Variants in SORCS3 observed in about 807,000 individuals in gnomAD.
The protein encoded by SORCS3 is sortilin related VPS10 domain containing receptor 3.
A neutral mutation model predicts 146.3 loss-of-function variants in SORCS3; 57 were observed. The ratio of observed to expected loss-of-function variants is 0.39; its 90% CI spans 0.31 to 0.49. The LOEUF is 0.49. Among genes scored for constraint, SORCS3 ranks in the 20% least tolerant of loss-of-function variants. SORCS3 has a pLI of 0.92. For synonymous variants in SORCS3, 653 were observed against 618.5 expected, an observed-to-expected ratio of 1.06 and a Z score of -0.83; for missense variants, 1,341 against 1,575.5, an observed-to-expected ratio of 0.85 and a Z score of 2.52.
intron 22 of SORCS3, among the ~76,000 whole-genome samples, chr10:105,251,385 T>G (rs973060807): frequency 6.6e-6 from 1 of 152,104 alleles, no homozygotes; most frequent in African/African-American, 2.4e-5. Context: ...TTCTGGGGAT[T>G]ACTATTCAAG....
intron 3 of SORCS3, among the ~76,000 whole-genome samples, chr10:104,921,517 G>A (rs1351361999): frequency 6.6e-6 from 1 of 151,818 alleles, no homozygotes; most frequent in Non-Finnish European, 1.5e-5. Flanking sequence ...GTGTGTGTGT[G>A]TGTGTGTGTG....
At chr10:104,957,041 A>C (rs1193461481) in intron 3 of SORCS3, among the ~76,000 whole-genome samples, 1 of 152,194 alleles carries the variant, frequency 6.6e-6, no homozygotes, top group Non-Finnish European at 1.5e-5. Flanking sequence ...TTCTCTGGAC[A>C]GAATGCTGGG....
intron 8 of SORCS3, among the ~76,000 whole-genome samples, chr10:105,145,460 G>C (rs2056124305): frequency 6.6e-6 from 1 of 151,910 alleles, no homozygotes; most frequent in South Asian, 2.1e-4. Flanking sequence ...ACCATGCCCT[G>C]GTGTTTTAAG....
At chr10:105,107,178 G>A (rs2055828153) in intron 7 of SORCS3, among the ~76,000 whole-genome samples, 1 of 152,178 alleles carries the variant, frequency 6.6e-6, no homozygotes, top group African/African-American at 2.4e-5. Flanking sequence ...GTCAGTCAAA[G>A]TCAGTCTGTG....
At chr10:105,097,090 T>C (rs1463270591) in intron 6 of SORCS3, among the ~76,000 whole-genome samples, 1 of 152,152 alleles carries the variant, frequency 6.6e-6, no homozygotes, top group Non-Finnish European at 1.5e-5. Context: ...GCTTTTTCAG[T>C]TGTGTGGTGT....
intron 1 of SORCS3, among the ~76,000 whole-genome samples, chr10:104,819,784 A>T (rs1257849197): frequency 6.6e-6 from 1 of 152,212 alleles, no homozygotes; most frequent in Non-Finnish European, 1.5e-5. Flanking sequence ...GAGGAAGAGA[A>T]GTTGAGGGCT....
chr10:105,000,666 A>G (rs886393255), intron 4 of SORCS3, among the ~76,000 whole-genome samples: 2 of 152,108 alleles, frequency 1.3e-5, no homozygotes, highest in African/African-American at 4.8e-5. Context: ...GTCAATTCCT[A>G]TGCTACCACC....
chr10:105,154,746 TATGTGTACATAC>T (rs1024604506), intron 9 of SORCS3, among the ~76,000 whole-genome samples: 2 of 152,250 alleles, frequency 1.3e-5, no homozygotes, highest in African/African-American at 4.8e-5. Flanking sequence ...CTTAGAAATA[TATGTGTACATAC>T]ATGTGTACAC....
chr10:105,193,161 G>A (rs1046480764), intron 14 of SORCS3, among the ~76,000 whole-genome samples: 3 of 152,102 alleles, frequency 2.0e-5, no homozygotes, highest in African/African-American at 7.2e-5. Flanking sequence ...ATTAAAGGAG[G>A]TGGGTTATTT....
intron 5 of SORCS3, among the ~76,000 whole-genome samples, chr10:105,067,968 TC>T (rs1267578122): frequency 6.6e-6 from 1 of 151,968 alleles, no homozygotes; most frequent in Non-Finnish European, 1.5e-5. Flanking sequence ...GAGACACATT[TC>T]CCCACTCTCA....
chr10:104,760,746 G>A (rs376993114), intron 1 of SORCS3, among the ~76,000 whole-genome samples: 49 of 152,254 alleles, frequency 3.2e-4, no homozygotes, highest in African/African-American at 9.9e-4. Flanking sequence ...TAGATAGGAA[G>A]GAAACAGCTA....
chr10:105,068,431 ACTTC>A (rs1470678734), intron 5 of SORCS3, among the ~76,000 whole-genome samples: 1 of 151,984 alleles, frequency 6.6e-6, no homozygotes, highest in Admixed American at 6.6e-5. Flanking sequence ...CCCTGTTGGC[ACTTC>A]CTTCAGCCAG....
chr10:104,961,786 C>T (rs968349537), intron 3 of SORCS3, among the ~76,000 whole-genome samples: 2 of 152,082 alleles, frequency 1.3e-5, no homozygotes, highest in African/African-American at 4.8e-5. Context: ...CACTGATGAA[C>T]CCCAAATACA....
intron 2 of SORCS3, among the ~76,000 whole-genome samples, chr10:104,858,856 C>T (rs750262075): frequency 1.1e-4 from 16 of 150,162 alleles, no homozygotes; most frequent in Middle Eastern, 7.0e-3. Context: ...CTCCTGACCT[C>T]GTGATCCGCC....
At chr10:104,836,167 T>A (rs534544980) in intron 1 of SORCS3, among the ~76,000 whole-genome samples, 133 of 152,210 alleles carry the variant, frequency 8.7e-4, no homozygotes, top group Non-Finnish European at 5.9e-4. Context: ...GGACTGAAAC[T>A]TTAGAGTGTG....
intron 1 of SORCS3, among the ~76,000 whole-genome samples, chr10:104,683,286 C>T (rs1157224659): frequency 6.6e-6 from 1 of 152,214 alleles, no homozygotes; most frequent in African/African-American, 2.4e-5. Flanking sequence ...CTGTGTTTGC[C>T]TCTTGGTCTT....
intron 20 of SORCS3, among the ~76,000 whole-genome samples, chr10:105,226,494 C>T (rs993824919): frequency 3.9e-5 from 6 of 152,014 alleles, no homozygotes; most frequent in South Asian, 4.1e-4. Context: ...CTATATTCAT[C>T]GAGCCTATTG....
chr10:105,123,582 A>G (rs2055951288), intron 7 of SORCS3, among the ~76,000 whole-genome samples: 1 of 152,234 alleles, frequency 6.6e-6, no homozygotes, highest in South Asian at 2.1e-4. Flanking sequence ...TATGCTATAT[A>G]TAAGAAATAA....
At chr10:104,975,427 A>T (rs1220161325) in intron 3 of SORCS3, among the ~76,000 whole-genome samples, 1 of 152,208 alleles carries the variant, frequency 6.6e-6, no homozygotes, top group East Asian at 1.9e-4. Context: ...AAAGAAATGG[A>T]AGAACATTCC....
Sources: allele counts gnomAD v4.1 joint callset (sites outside exome capture counted in the v4.1 genomes callset), GRCh38; gene constraint gnomAD v4.1.1; transcripts MANE v1.5; gene names NCBI Gene and HGNC (gene_info 2026-07-23, HGNC 2026-07-21).